The following CMSS1 variants were observed in gnomAD, a reference collection of about 807,000 sequenced individuals.
The protein encoded by CMSS1 is cms1 ribosomal small subunit homolog.
In CMSS1, 33 loss-of-function variants were observed where a neutral mutation model predicts 43.5. The ratio of observed to expected loss-of-function variants is 0.76; its 90% CI spans 0.57 to 1.01. CMSS1 has a LOEUF of 1.01. Among genes scored for constraint, CMSS1 ranks in the 50% least tolerant of loss-of-function variants. CMSS1 has a pLI of 0.00. For synonymous variants in CMSS1, 115 were observed against 117.2 expected, an observed-to-expected ratio of 0.98 and a Z score of 0.12; for missense variants, 313 against 326.4, an observed-to-expected ratio of 0.96 and a Z score of 0.32.
intron 1 of CMSS1, among the ~76,000 whole-genome samples, chr3:99,882,978 A>G (rs761333377): frequency 6.6e-6 from 1 of 152,226 alleles, no homozygotes; most frequent in Non-Finnish European, 1.5e-5. Context: ...CTGTGTTATC[A>G]TGTAACACCA....
At chr3:99,933,680 A>C (rs1707564120) in intron 1 of CMSS1, among the ~76,000 whole-genome samples, 1 of 152,196 alleles carries the variant, frequency 6.6e-6, no homozygotes, top group African/African-American at 2.4e-5. Context: ...TAAATATTAC[A>C]TTCTGCTTTA....
At chr3:99,847,929 A>G in intron 1 of CMSS1, 1 of 995,776 alleles carries the variant, frequency 1.0e-6, no homozygotes, top group Non-Finnish European at 1.2e-6. Flanking sequence ...AAGCAATGGT[A>G]AAAATAACAA....
At chr3:100,060,905 A>G (rs2065553251) in intron 1 of CMSS1, among the ~76,000 whole-genome samples, 1 of 152,174 alleles carries the variant, frequency 6.6e-6, no homozygotes, top group Non-Finnish European at 1.5e-5. Flanking sequence ...TCTTTGAGCC[A>G]TACAGATCTA....
intron 1 of CMSS1, among the ~76,000 whole-genome samples, chr3:100,130,506 T>TA (rs1444365409): frequency 6.6e-6 from 1 of 152,108 alleles, no homozygotes; most frequent in Admixed American, 6.5e-5. Flanking sequence ...CTCCAGAACA[T>TA]ACAAGGATGA....
chr3:99,981,420 T>C (rs1329616077), intron 1 of CMSS1, among the ~76,000 whole-genome samples: 1 of 152,138 alleles, frequency 6.6e-6, no homozygotes, highest in Non-Finnish European at 1.5e-5. Flanking sequence ...TTTGCTATAG[T>C]TCCTTATTTG....
intron 1 of CMSS1, among the ~76,000 whole-genome samples, chr3:99,980,824 C>G (rs976313521): frequency 6.6e-6 from 1 of 152,100 alleles, no homozygotes; most frequent in African/African-American, 2.4e-5. Context: ...CATGTTCTAG[C>G]TATTCAGAGG....
intron 1 of CMSS1, among the ~76,000 whole-genome samples, chr3:99,968,330 G>A (rs1046437770): frequency 6.6e-6 from 1 of 151,966 alleles, no homozygotes; most frequent in East Asian, 1.9e-4. Context: ...TTAGGGGTAC[G>A]AGTGAGAAAC....
chr3:100,152,856 C>A (rs545750837), intron 2 of CMSS1, among the ~76,000 whole-genome samples: 4 of 152,148 alleles, frequency 2.6e-5, no homozygotes, highest in Non-Finnish European at 4.4e-5. Context: ...TTTCTTCAAG[C>A]CCTCACCTTC....
At chr3:100,176,775 C>G (rs1052839207) in intron 9 of CMSS1, among the ~76,000 whole-genome samples, 6 of 152,096 alleles carry the variant, frequency 3.9e-5, no homozygotes, top group African/African-American at 1.4e-4. Flanking sequence ...GCACTTTTGG[C>G]TCGGGTTAGG....
At chr3:99,996,719 C>T (rs934573741) in intron 1 of CMSS1, among the ~76,000 whole-genome samples, 2 of 151,912 alleles carry the variant, frequency 1.3e-5, no homozygotes, top group African/African-American at 4.8e-5. Flanking sequence ...GATGCAAAAG[C>T]GGAAACTCCT....
At chr3:99,850,916 T>G (rs547561644) in intron 1 of CMSS1, 1 of 1,614,214 alleles carries the variant, frequency 6.2e-7, no homozygotes, top group South Asian at 1.1e-5. Context: ...CTTTGAAGGG[T>G]GAGCTGTGCC....
chr3:100,096,145 C>G (rs1389679408), intron 1 of CMSS1, among the ~76,000 whole-genome samples: 8 of 152,144 alleles, frequency 5.3e-5, no homozygotes, highest in African/African-American at 1.7e-4. Flanking sequence ...AAAGGGAACT[C>G]TCATACACTG....
chr3:100,177,831 A>G (rs956132119), intron 9 of CMSS1, among the ~76,000 whole-genome samples: 2 of 152,130 alleles, frequency 1.3e-5, no homozygotes, highest in Non-Finnish European at 2.9e-5. Context: ...AACAATAATA[A>G]TAATAGGCCA....
chr3:99,951,060 A>G (rs367568809), intron 1 of CMSS1, among the ~76,000 whole-genome samples: 2 of 152,186 alleles, frequency 1.3e-5, no homozygotes, highest in African/African-American at 4.8e-5. Context: ...TTCTGCACCT[A>G]ACGTGCTGGC....
At chr3:100,061,140 A>T (rs57848867) in intron 1 of CMSS1, among the ~76,000 whole-genome samples, 74,417 of 149,840 alleles carry the variant, frequency 0.5, 18,445 homozygotes, top group East Asian at 0.71. Context: ...GTTAAAATTT[A>T]AAAAAAAAAA....
chr3:100,072,267 G>T (rs1477834552), intron 1 of CMSS1, among the ~76,000 whole-genome samples: 1 of 152,194 alleles, frequency 6.6e-6, no homozygotes, highest in East Asian at 1.9e-4. Context: ...GTCAGAAATA[G>T]AATGTGTGTA....
intron 1 of CMSS1, among the ~76,000 whole-genome samples, chr3:99,822,388 GA>G (rs1942454993): frequency 6.6e-6 from 1 of 152,188 alleles, no homozygotes; most frequent in African/African-American, 2.4e-5. Context: ...CTAGAAAACT[GA>G]AGTGTTAAGA....
intron 1 of CMSS1, among the ~76,000 whole-genome samples, chr3:99,892,499 C>T (rs1230160435): frequency 6.6e-6 from 1 of 152,220 alleles, no homozygotes; most frequent in Non-Finnish European, 1.5e-5. Flanking sequence ...AGCCTTGTGG[C>T]AGGTTCTAGA....
At chr3:99,942,509 G>A (rs1279677249) in intron 1 of CMSS1, among the ~76,000 whole-genome samples, 1 of 152,164 alleles carries the variant, frequency 6.6e-6, no homozygotes, top group African/African-American at 2.4e-5. Flanking sequence ...AAAGCACTAG[G>A]CACATATTGG....
Sources: allele counts gnomAD v4.1 joint callset (sites outside exome capture counted in the v4.1 genomes callset), GRCh38; gene constraint gnomAD v4.1.1; transcripts MANE v1.5; gene names NCBI Gene and HGNC (gene_info 2026-07-23, HGNC 2026-07-21).